Variants in TGFBR3 observed in about 807,000 individuals in gnomAD.
TGFBR3 encodes transforming growth factor beta receptor 3.
TGFBR3 carries 46 observed loss-of-function variants against 87.9 expected under a neutral mutation model. The observed-to-expected ratio is 0.52, with a 90% CI of 0.41 to 0.67. The LOEUF is 0.67. TGFBR3 is among the 30% of genes least tolerant of loss of function. TGFBR3 has a pLI of 0.00. For synonymous variants in TGFBR3, 381 were observed against 391.6 expected (o/e 0.97, Z 0.32); for missense variants, 866 against 1,041.9 (o/e 0.83, Z 2.32).
chr1:91,764,908 T>C (rs1040270991), intron 3 of TGFBR3, among the ~76,000 whole-genome samples: 11 of 152,138 alleles, frequency 7.2e-5, no homozygotes, highest in African/African-American at 2.4e-4. Flanking sequence ...CTGGTGTTTC[T>C]ACCTCTGCCT....
At chr1:91,734,330 TCTC>T (rs1206946945) in intron 5 of TGFBR3, among the ~76,000 whole-genome samples, 1 of 152,216 alleles carries the variant, frequency 6.6e-6, no homozygotes, top group Non-Finnish European at 1.5e-5. Flanking sequence ...GTAACCTATG[TCTC>T]AGCACCACAA....
rs148415152 is a variant in TGFBR3 at position 91,795,528 on chromosome 1, C to T, written c.246+1759G>A. Among the ~76,000 whole-genome samples, 229 of 152,292 alleles carry T rather than the reference C, an allele frequency of 1.5e-3. 1 individual carries two copies. The highest frequency in any genetic ancestry group is 5.1e-3 in the African/African-American group (212 of 41,562). On this transcript the variant is annotated intron_variant, in intron 3 of 16. Coordinates refer to ENST00000212355, the MANE Select transcript of TGFBR3 (RefSeq NM_003243.5). ...TTTCTCTTGTTTCAGTAGTCTTACT[C>T]GAATTTGTTTTCAGAGTCAACAACA...
chr1:91,715,552 C>G (rs577497372), intron 12 of TGFBR3, among the ~76,000 whole-genome samples: 4 of 152,326 alleles, frequency 2.6e-5, no homozygotes, highest in Non-Finnish European at 5.9e-5. Context: ...CATAATAAAT[C>G]TGCAGCAAAT....
chr1:91,833,399 T>C (rs1189432052), intron 2 of TGFBR3, among the ~76,000 whole-genome samples: 1 of 138,432 alleles, frequency 7.2e-6, no homozygotes, highest in Non-Finnish European at 1.5e-5. Flanking sequence ...AGGCGGAGGT[T>C]GCAGAGAGCC....
intron 1 of TGFBR3, among the ~76,000 whole-genome samples, chr1:91,879,328 A>G (rs1678984065): frequency 6.6e-6 from 1 of 152,098 alleles, no homozygotes; most frequent in Non-Finnish European, 1.5e-5. Flanking sequence ...GGCTCTACAT[A>G]TAACTGAATC....
chr1:91,800,295 CAT>C (rs1675562579), intron 2 of TGFBR3, among the ~76,000 whole-genome samples: 2 of 140,276 alleles, frequency 1.4e-5, no homozygotes, highest in Non-Finnish European at 1.5e-5. Context: ...CATATATATA[CAT>C]ATATGCATGC....
chr1:91,785,316 C>T (rs950936669), intron 3 of TGFBR3, among the ~76,000 whole-genome samples: 9 of 152,128 alleles, frequency 5.9e-5, no homozygotes, highest in East Asian at 1.9e-4. Flanking sequence ...GGGCTAGTGC[C>T]GGGTCGTGGG....
At chr1:91,703,126 A>T (rs1671678594) in intron 14 of TGFBR3, among the ~76,000 whole-genome samples, 1 of 152,114 alleles carries the variant, frequency 6.6e-6, no homozygotes, top group African/African-American at 2.4e-5. Flanking sequence ...TTGGATAGAG[A>T]ATGAATGCCC....
chr1:91,894,710 G>C (rs930849005), intron 2 of TGFBR3, among the ~76,000 whole-genome samples: 1 of 152,184 alleles, frequency 6.6e-6, no homozygotes, highest in African/African-American at 2.4e-5. Flanking sequence ...TTTTCTTTCT[G>C]CTCCCAGGAT....
chr1:91,709,524 T>C (rs1312366596), intron 13 of TGFBR3, among the ~76,000 whole-genome samples: 4 of 152,224 alleles, frequency 2.6e-5, no homozygotes, highest in African/African-American at 9.6e-5. Flanking sequence ...GTTTCATTTT[T>C]AATCCTGGTA....
chr1:91,779,600 A>G (rs1475871337), intron 3 of TGFBR3, among the ~76,000 whole-genome samples: 1 of 152,232 alleles, frequency 6.6e-6, no homozygotes, highest in Non-Finnish European at 1.5e-5. Flanking sequence ...AGGATTGGAT[A>G]TGACATCTGA....
intron 2 of TGFBR3, among the ~76,000 whole-genome samples, chr1:91,805,509 G>T (rs192121306): frequency 1.3e-5 from 2 of 152,274 alleles, no homozygotes; most frequent in African/African-American, 4.8e-5. Context: ...AATATTTACT[G>T]ACCTGAAGAC....
intron 12 of TGFBR3, 86 bp from the exon 13 acceptor site, chr1:91,712,628 C>G: frequency 8.2e-7 from 1 of 1,213,826 alleles, no homozygotes; most frequent in Non-Finnish European, 1.2e-6. Flanking sequence ...CAAGACAGCC[C>G]TTCAGATGAC....
At chr1:91,728,939 G>A (rs1455863052) in intron 6 of TGFBR3, among the ~76,000 whole-genome samples, 2 of 151,872 alleles carry the variant, frequency 1.3e-5, no homozygotes, top group Non-Finnish European at 2.9e-5. Context: ...CCAATCCAGG[G>A]GTAGGAAGCT....
In TGFBR3 at chr1:91,782,063, T is replaced by C. The variant is rs116597457; in HGVS notation, c.246+15224A>G. On this transcript the variant is annotated intron_variant, in intron 3 of 16. Transcript: ENST00000212355. ...AAATGAGTGGAATCTTCAAACCTTA[T>C]GAAAGCAGGAATCAAAAATAAACTG... is the stretch of plus-strand genomic sequence containing the variant. Among the ~76,000 whole-genome samples the C allele has an allele frequency of 7.5e-3, 1,139 of 152,244 alleles. 16 individuals carry two copies. Among genetic ancestry groups the C allele is most frequent in the African/African-American group, 0.026 (1,082 of 41,532 alleles).
chr1:91,860,168 T>C (rs1174561601), intron 2 of TGFBR3, among the ~76,000 whole-genome samples: 2 of 152,232 alleles, frequency 1.3e-5, no homozygotes, highest in Admixed American at 6.5e-5. Flanking sequence ...AATCTCTCCA[T>C]ATCTCATTTC....
In TGFBR3 at chr1:91,683,151, T is replaced by C. The variant is rs2100679459; in HGVS notation, c.*588A>G. ...TTAACACTTGTCAGGGTGCAGTCCCTGAGGGCAGCACCCATCAAGGGACAC... is the reference window on the plus strand; with the variant it reads ...TTAACACTTGTCAGGGTGCAGTCCCCGAGGGCAGCACCCATCAAGGGACAC... On this transcript the variant is annotated 3_prime_UTR_variant, in exon 17 of 17. Transcript: ENST00000212355. The C allele has an allele frequency of 2.2e-6, 1 of 454,542 alleles. No individual in the cohort carries two copies. Among genetic ancestry groups the C allele is most frequent in the East Asian group, 7.0e-5 (1 of 14,386 alleles). The allele number at this position is 454,542 out of a possible 1,614,324, so 28.2% of individuals were successfully genotyped here.
At chr1:91,755,284 A>C (rs1242866751) in intron 4 of TGFBR3, among the ~76,000 whole-genome samples, 1 of 152,172 alleles carries the variant, frequency 6.6e-6, no homozygotes. Flanking sequence ...GGAGAAACTA[A>C]AATTCATTTC....
intron 14 of TGFBR3, among the ~76,000 whole-genome samples, chr1:91,702,254 AT>A (rs966568295): frequency 2.0e-5 from 3 of 152,124 alleles, no homozygotes; most frequent in Admixed American, 6.6e-5. Context: ...CACCTACCAT[AT>A]TTTTTTGAAT....
Sources: allele counts gnomAD v4.1 joint callset (sites outside exome capture counted in the v4.1 genomes callset), GRCh38; gene constraint gnomAD v4.1.1; transcripts MANE v1.5; gene names NCBI Gene and HGNC (gene_info 2026-07-23, HGNC 2026-07-21).